Variants in DOCK5 observed in about 807,000 individuals in gnomAD.
The protein encoded by DOCK5 is dedicator of cytokinesis protein 5.
Under a neutral mutation model 251.8 loss-of-function variants are expected in DOCK5, and 142 were observed. That is an observed-to-expected ratio of 0.56 (90% confidence interval 0.49 to 0.65). DOCK5 has a LOEUF of 0.65. Among genes scored for constraint, DOCK5 ranks in the 30% least tolerant of loss-of-function variants. DOCK5 has a pLI of 0.00. For synonymous variants in DOCK5, 842 were observed against 835.5 expected (o/e 1.01, Z -0.13); for missense variants, 2,111 against 2,312.3 (o/e 0.91, Z 1.79).
intron 1 of DOCK5, among the ~76,000 whole-genome samples, chr8:25,224,049 T>C (rs1802458842): frequency 6.6e-6 from 1 of 152,230 alleles, no homozygotes; most frequent in African/African-American, 2.4e-5. Context: ...TGAGGCATTT[T>C]TAACTTTATC....
chr8:25,313,612 TCAA>T (rs1198481923), intron 13 of DOCK5, among the ~76,000 whole-genome samples: 3 of 152,162 alleles, frequency 2.0e-5, no homozygotes, highest in Non-Finnish European at 1.5e-5. Context: ...CTGGGTGGCG[TCAA>T]CAACGTTTAT....
In DOCK5 at chr8:25,366,938, C is replaced by G; in HGVS notation, c.3192C>G (p.Phe1064Leu). The G allele has an allele frequency of 6.2e-7, 1 of 1,613,864 alleles. No homozygotes were observed. Among genetic ancestry groups the G allele is most frequent in the Non-Finnish European group, 8.5e-7 (1 of 1,179,792 alleles). ...ATGAGTCCCTTCAGCTTGAAACCTT[C>G]TCACAAGCCAAGCGCAACAAAATTG... ...LTHESLQLET[F>L]SQAKRNKIVK... The change falls in exon 31 of 52, where the codon TTC (phenylalanine) becomes TTG (leucine). Residue 1064 changes from phenylalanine (F) to leucine (L), a missense_variant. Phe to Leu is a conservative substitution (Grantham distance 22, BLOSUM62 0). Coordinates refer to ENST00000276440, the MANE Select transcript of DOCK5 (RefSeq NM_024940.8).
intron 1 of DOCK5, among the ~76,000 whole-genome samples, chr8:25,214,147 T>A (rs1802170238): frequency 4.6e-5 from 7 of 152,156 alleles, no homozygotes; most frequent in Admixed American, 4.6e-4. Context: ...ATGGCAACGC[T>A]CTAACAGTTT....
At chr8:25,350,490 C>G (rs958636641) in intron 26 of DOCK5, among the ~76,000 whole-genome samples, 7 of 152,212 alleles carry the variant, frequency 4.6e-5, no homozygotes, top group African/African-American at 1.7e-4. Flanking sequence ...ATGAAAACTG[C>G]AAGCTCAGCG....
chr8:25,198,976 A>G (rs1289786643), intron 1 of DOCK5, among the ~76,000 whole-genome samples: 1 of 152,062 alleles, frequency 6.6e-6, no homozygotes, highest in Non-Finnish European at 1.5e-5. Flanking sequence ...CTTTTTTAAG[A>G]GTTCTAGGAA....
At chr8:25,223,349 C>T (rs532957306) in intron 1 of DOCK5, among the ~76,000 whole-genome samples, 54 of 152,090 alleles carry the variant, frequency 3.6e-4, no homozygotes, top group Non-Finnish European at 6.3e-4. Flanking sequence ...GGTTTTTGCT[C>T]TGTCATCTGG....
chr8:25,375,592 G>A, intron 37 of DOCK5: 1 of 737,870 alleles, frequency 1.4e-6, no homozygotes, highest in Non-Finnish European at 1.7e-6. Flanking sequence ...CCGTAAGCAT[G>A]TCACACCTTG....
At chr8:25,344,839 T>C (rs1015872823) in intron 25 of DOCK5, among the ~76,000 whole-genome samples, 1 of 152,246 alleles carries the variant, frequency 6.6e-6, no homozygotes, top group Admixed American at 6.5e-5. Context: ...AGAGCAAGCA[T>C]GCACTGGATA....
chr8:25,390,579 G>A (rs912946081), intron 42 of DOCK5, among the ~76,000 whole-genome samples: 3 of 152,144 alleles, frequency 2.0e-5, no homozygotes, highest in African/African-American at 7.2e-5. Context: ...TAATACAAAG[G>A]GATGTGGGGG....
chr8:25,320,807 G>T (rs1302259707), intron 15 of DOCK5, among the ~76,000 whole-genome samples, 173 bp from the exon 16 acceptor site: 6 of 152,188 alleles, frequency 3.9e-5, no homozygotes, highest in African/African-American at 1.2e-4. Flanking sequence ...GATGATCTGA[G>T]ATTCTTTTGA....
At chr8:25,226,892 G>A in intron 1 of DOCK5, among the ~76,000 whole-genome samples, 1 of 152,132 alleles carries the variant, frequency 6.6e-6, no homozygotes, top group East Asian at 1.9e-4. Flanking sequence ...GCTCCTCCAT[G>A]TTTTAAATCC....
intron 3 of DOCK5, among the ~76,000 whole-genome samples, chr8:25,271,591 G>A (rs1803914260): frequency 6.6e-6 from 1 of 152,154 alleles, no homozygotes; most frequent in Non-Finnish European, 1.5e-5. Context: ...TTAGAGTGAT[G>A]ATAAAAGGAG....
At chr8:25,397,904 A>G (rs1801374715) in intron 45 of DOCK5, among the ~76,000 whole-genome samples, 1 of 152,238 alleles carries the variant, frequency 6.6e-6, no homozygotes, top group African/African-American at 2.4e-5. Flanking sequence ...TTTAGTTAAT[A>G]TGTATGACTG....
chr8:25,227,238 A>G (rs1242057151), intron 1 of DOCK5, among the ~76,000 whole-genome samples: 1 of 152,228 alleles, frequency 6.6e-6, no homozygotes, highest in Non-Finnish European at 1.5e-5. Flanking sequence ...CATGAGGGCC[A>G]GGTACTGTAA....
rs138844640 is a variant in DOCK5, at chr8:25,343,971, A to G, written c.2617+1464A>G. Among the ~76,000 whole-genome samples, 796 of 152,190 alleles carry G rather than the reference A, an allele frequency of 5.2e-3. 2 individuals are homozygous for G. The highest frequency in any genetic ancestry group is 8.0e-3 in the Non-Finnish European group (541 of 68,004). On this transcript the variant is annotated intron_variant, in intron 25 of 51. Transcript: ENST00000276440. ...CAGGTGTGCACCACCATGCCCAGCT[A>G]ATTTTTTTTGTAATCTTAGTAAAGC...
At chr8:25,397,222 A>G (rs60114431) in intron 45 of DOCK5, among the ~76,000 whole-genome samples, 54,470 of 148,292 alleles carry the variant, frequency 0.37, 9,758 homozygotes, top group South Asian at 0.37. Context: ...ACTCCGTCTA[A>G]AAAAAAAAAA....
At chr8:25,366,518 A>G (rs1321212202) in intron 30 of DOCK5, among the ~76,000 whole-genome samples, 1 of 152,212 alleles carries the variant, frequency 6.6e-6, no homozygotes, top group Non-Finnish European at 1.5e-5. Context: ...TGGTTATTTC[A>G]TCAGGATAAA....
intron 45 of DOCK5, among the ~76,000 whole-genome samples, chr8:25,397,913 T>C (rs968596564): frequency 1.2e-4 from 18 of 152,370 alleles, no homozygotes; most frequent in African/African-American, 4.3e-4. Context: ...TATGTATGAC[T>C]GCACATTTCT....
chr8:25,312,156 T>A (rs796566127), intron 13 of DOCK5, among the ~76,000 whole-genome samples: 49 of 152,302 alleles, frequency 3.2e-4, no homozygotes, highest in African/African-American at 1.1e-3. Context: ...CATAGCTATT[T>A]TACCCTGATA....
Sources: allele counts gnomAD v4.1 joint callset (sites outside exome capture counted in the v4.1 genomes callset), GRCh38; gene constraint gnomAD v4.1.1; transcripts MANE v1.5; gene names NCBI Gene and HGNC (gene_info 2026-07-23, HGNC 2026-07-21).